The following RIMKLB variants were observed in gnomAD, a reference collection of about 807,000 sequenced individuals.
The protein encoded by RIMKLB is ribosomal modification protein rimK like family member B, also known as beta-citrylglutamate synthase B.
RIMKLB carries 7 observed loss-of-function variants against 32.0 expected under a neutral mutation model. The ratio of observed to expected loss-of-function variants is 0.22; its 90% CI spans 0.12 to 0.41. The LOEUF is 0.41. Among genes scored for constraint, RIMKLB ranks in the 10% least tolerant of loss-of-function variants. The pLI is 1.00. For missense variants in RIMKLB, 289 were observed against 498.7 expected (o/e 0.58, Z 4.00); for synonymous variants, 172 against 185.1 (o/e 0.93, Z 0.57).
upstream of RIMKLB, among the ~76,000 whole-genome samples, chr12:8,693,165 CA>C (rs1290211349): frequency 6.6e-6 from 1 of 152,146 alleles, no homozygotes; most frequent in East Asian, 1.9e-4. Context: ...AACAGACAAA[CA>C]ATTTATTGTT....
upstream of RIMKLB, among the ~76,000 whole-genome samples, chr12:8,696,731 G>A (rs1942903424): frequency 6.6e-6 from 1 of 152,184 alleles, no homozygotes; most frequent in South Asian, 2.1e-4. Context: ...CTCTCGAGAC[G>A]CTGAAGGAAA....
chr12:8,718,650 T>A (rs907405175), intron 2 of RIMKLB, among the ~76,000 whole-genome samples: 4 of 96,468 alleles, frequency 4.1e-5, no homozygotes, highest in African/African-American at 1.7e-4. Context: ...TCTCTCTCTC[T>A]CTCTATATAT....
chr12:8,691,019 G>A (rs1273182311), intron 1 of RIMKLB, among the ~76,000 whole-genome samples: 1 of 152,170 alleles, frequency 6.6e-6, no homozygotes, highest in Non-Finnish European at 1.5e-5. Flanking sequence ...TGAGACTGGG[G>A]ACAGTGATGT....
intron 2 of RIMKLB, among the ~76,000 whole-genome samples, chr12:8,727,355 T>C (rs1026558327): frequency 6.6e-6 from 1 of 152,132 alleles, no homozygotes; most frequent in South Asian, 2.1e-4. Context: ...TTGCCTCAGC[T>C]TCCCAAGTAG....
At chr12:8,750,532 C>T (rs1341155388) in intron 3 of RIMKLB, among the ~76,000 whole-genome samples, 2 of 152,070 alleles carry the variant, frequency 1.3e-5, no homozygotes, top group East Asian at 3.9e-4. Context: ...TCATTTTCTT[C>T]ATTACCATTT....
intron 2 of RIMKLB, among the ~76,000 whole-genome samples, chr12:8,734,574 AT>A (rs1324567877): frequency 6.6e-6 from 1 of 152,184 alleles, no homozygotes; most frequent in Non-Finnish European, 1.5e-5. Context: ...ATCAAGCTAT[AT>A]TTGGACTGAA....
At chr12:8,768,006 C>T (rs1347758442) in intron 5 of RIMKLB, among the ~76,000 whole-genome samples, 2 of 152,198 alleles carry the variant, frequency 1.3e-5, no homozygotes, top group African/African-American at 2.4e-5. Context: ...AAGATGGCGG[C>T]AGGGCCACTT....
chr12:8,696,470 C>T (rs186638520), upstream of RIMKLB, among the ~76,000 whole-genome samples: 1 of 152,340 alleles, frequency 6.6e-6, no homozygotes, highest in East Asian at 1.9e-4. Flanking sequence ...TATAATAGCA[C>T]TAAACACTTT....
intron 2 of RIMKLB, among the ~76,000 whole-genome samples, chr12:8,722,435 C>T (rs1292992516): frequency 6.6e-6 from 1 of 152,072 alleles, no homozygotes; most frequent in Non-Finnish European, 1.5e-5. Context: ...AACCATACTG[C>T]AAGCAGATGT....
At position 8,713,845 on chromosome 12, in the gene RIMKLB, A is replaced by C; in HGVS notation, c.-22A>C. ...ACATCCAAGAGGAAATAATCCAGGC[A>C]AGGAAGCACAAGCTGATCAAGATGT... On this transcript the variant is annotated 5_prime_UTR_variant, in exon 2 of 6. Coordinates refer to ENST00000535829, the MANE Select transcript of RIMKLB (RefSeq NM_001297776.2). 3 of 1,613,790 alleles carry C rather than the reference A, an allele frequency of 1.9e-6. No individual in the cohort carries two copies. Among genetic ancestry groups the C allele is most frequent in the Non-Finnish European group, 2.5e-6 (3 of 1,179,708 alleles).
intron 2 of RIMKLB, among the ~76,000 whole-genome samples, chr12:8,726,734 G>A (rs999826519): frequency 3.3e-5 from 5 of 151,088 alleles, no homozygotes; most frequent in African/African-American, 9.7e-5. Context: ...TAGATGGCAC[G>A]TAGTTGGGTC....
At chr12:8,752,149 A>G in intron 4 of RIMKLB, 106 bp downstream of exon 4, 2 of 722,960 alleles carry the variant, frequency 2.8e-6, no homozygotes, top group Non-Finnish European at 4.7e-6. Context: ...GATGCATGAT[A>G]CCTCAGACTT....
Position 8,775,700 on chromosome 12 carries a change from T to C in RIMKLB, c.*1916T>C. ...AATGTAATAAAATTTGTTTTTTCCA[T>C]AGAATTAAATAATATTAAAATTGAG... On this transcript the variant is annotated 3_prime_UTR_variant, in exon 6 of 6. Transcript: ENST00000535829. 1 of 983,896 alleles carries C rather than the reference T, an allele frequency of 1.0e-6. No individual in the cohort carries two copies. The allele number at this position is 983,896 out of a possible 1,614,324, so 60.9% of individuals were successfully genotyped here.
intron 2 of RIMKLB, among the ~76,000 whole-genome samples, chr12:8,731,525 T>C (rs1946546967): frequency 6.6e-6 from 1 of 152,130 alleles, no homozygotes; most frequent in South Asian, 2.1e-4. Flanking sequence ...ACCACTTTGC[T>C]GACATCCTTT....
chr12:8,697,608 C>T (rs752731548), upstream of RIMKLB: 1 of 177,744 alleles, frequency 5.6e-6, no homozygotes, highest in Admixed American at 6.3e-5. Context: ...CCCCCCCCAT[C>T]CGTTTCCCTT....
At chr12:8,719,946 C>T (rs1051861612) in intron 2 of RIMKLB, among the ~76,000 whole-genome samples, 3 of 152,094 alleles carry the variant, frequency 2.0e-5, no homozygotes, top group African/African-American at 7.2e-5. Context: ...CAAGGTAGGG[C>T]CTGGTTGTGA....
intron 5 of RIMKLB, among the ~76,000 whole-genome samples, chr12:8,755,964 G>A (rs927532529): frequency 1.3e-5 from 2 of 152,106 alleles, no homozygotes; most frequent in Non-Finnish European, 2.9e-5. Flanking sequence ...GACTAGCCTG[G>A]CTAACATGGT....
In RIMKLB at chr12:8,773,845, A is replaced by G. The variant is rs3858672; in HGVS notation, c.*61A>G. 6.7e-3 allele frequency: 10,317 copies of G among 1,537,668 alleles called. 474 individuals are homozygous for G. In the African/African-American group the frequency reaches 0.11, roughly 17 times the overall value. On this transcript the variant is annotated 3_prime_UTR_variant, in exon 6 of 6. Coordinates refer to ENST00000535829, the MANE Select transcript of RIMKLB (RefSeq NM_001297776.2). ...ACTTTCTTTCTTCTTTTCTATTTTT[A>G]AAACCAACTTGCAATGCTGTTCATG...
chr12:8,757,711 A>T (rs1402044792), intron 5 of RIMKLB, among the ~76,000 whole-genome samples: 1 of 152,028 alleles, frequency 6.6e-6, no homozygotes, highest in African/African-American at 2.4e-5. Context: ...ATGTTATAAA[A>T]CTTCATCCTT....
Sources: allele counts gnomAD v4.1 joint callset (sites outside exome capture counted in the v4.1 genomes callset), GRCh38; gene constraint gnomAD v4.1.1; transcripts MANE v1.5; gene names NCBI Gene and HGNC (gene_info 2026-07-23, HGNC 2026-07-21).